Variants in EID3 observed in about 807,000 individuals in gnomAD.
EID3 encodes EP300 interacting inhibitor of differentiation 3, also known as EP300-interacting inhibitor of differentiation 3.
EID3 carries 3 observed loss-of-function variants against 1.6 expected under a neutral mutation model. The ratio of observed to expected loss-of-function variants is 1.87; its 90% confidence interval spans 0.85 to 4.83. The LOEUF is 4.83. Among genes scored for constraint, EID3 ranks in the 30% most tolerant of loss-of-function variants. The pLI, the probability that EID3 is intolerant of heterozygous loss-of-function variation, is 0.02. For synonymous variants in EID3, 164 were observed against 148.1 expected (o/e 1.11, Z -0.78); for missense variants, 471 against 409.9 (o/e 1.15, Z -1.29).
chr12:104,304,277 A>G lies in EID3; in HGVS notation c.343A>G (p.Asn115Asp), dbSNP rs771570720. The part of the protein sequence containing the change: ...KQLNSDMNFF[N>D]QLAFCDFLFL... ...GTTAAACTCAGATATGAACTTCTTTAATCAGTTAGCATTTTGTGACTTTCT... is the reference window on the plus strand; with the variant it reads ...GTTAAACTCAGATATGAACTTCTTTGATCAGTTAGCATTTTGTGACTTTCT... The change falls in exon 1 of 1, where the codon AAT (asparagine) becomes GAT (aspartate). Residue 115 changes from asparagine (N) to aspartate (D), a missense_variant. Transcript: ENST00000527879. The G allele has an allele frequency of 1.4e-5, 22 of 1,613,946 alleles. No individual in the cohort carries two copies. The East Asian group carries it at 4.5e-4, about 33-fold the overall frequency.
rs770133655 is a variant in EID3, at chr12:104,304,117, G to A, written c.183G>A (p.Ser61=). Residue 61 remains serine, a synonymous_variant, in exon 1 of 1, where the codon TCG becomes TCA. Coordinates refer to ENST00000527879, the MANE Select transcript of EID3 (RefSeq NM_001008394.3). Reference sequence around the variant, plus strand: ...AGAACCGGGAGGACATCGTGAGCTCGGCGAACAACTCCTTAACCGAGGCTC... The same window carrying A: ...AGAACCGGGAGGACATCGTGAGCTCAGCGAACAACTCCTTAACCGAGGCTC... The part of the protein sequence containing the change: ...VRQNREDIVS[S]ANNSLTEALE... 5 of 1,614,018 alleles carry A rather than the reference G, an allele frequency of 3.1e-6. No homozygotes were observed. The highest frequency in any genetic ancestry group is 1.7e-5 in the Admixed American group (1 of 60,016).
In EID3 at chr12:104,304,848, G is replaced by T; in HGVS notation, c.914G>T (p.Gly305Val). 6.2e-7 allele frequency: 1 copy of T among 1,613,964 alleles called. No individual in the cohort carries two copies. Residue 305 changes from glycine (G) to valine (V), a missense_variant, in exon 1 of 1, where the codon GGA becomes GTA. By Grantham distance (109) the Gly-to-Val change is moderately radical (BLOSUM62 -3). Coordinates refer to ENST00000527879, the MANE Select transcript of EID3 (RefSeq NM_001008394.3). ...TCCAGTTGCCATGGCAGGAAACAGG[G>T]AGTTATATCTTTGACTTTACAGGAG... ...NDSSCHGRKQ[G>V]VISLTLQEWK...
At position 104,305,063 on chromosome 12, in the gene EID3, GT is replaced by G; in HGVS notation, c.*131del. On this transcript the variant is annotated 3_prime_UTR_variant, in exon 1 of 1. Transcript: ENST00000527879. ...AGTATTTTCAAGAACATCAGACATT[GT>G]TTTACTGTGCAGCATATTTTTCTTA... 1 of 996,342 alleles carries G rather than the reference GT, an allele frequency of 1.0e-6. No individual in the cohort carries two copies. Among genetic ancestry groups the G allele is most frequent in the African/African-American group, 1.6e-5 (1 of 60,646 alleles). 61.7% of individuals were successfully genotyped at this position (996,342 alleles called of 1,614,324 possible).
At position 104,304,737 on chromosome 12, in the gene EID3, A is replaced by G; in HGVS notation, c.803A>G (p.Asp268Gly). Residue 268 changes from aspartate (D) to glycine (G), a missense_variant, in exon 1 of 1, where the codon GAT becomes GGT. Asp to Gly is a moderately conservative substitution (Grantham distance 94, BLOSUM62 -1). Transcript: ENST00000527879. ...TTTTATGTTTCTTTTATTGTAAGAGATGGTTTTGCAAGAATAAGGCTTGAT... is the reference window on the plus strand; with the variant it reads ...TTTTATGTTTCTTTTATTGTAAGAGGTGGTTTTGCAAGAATAAGGCTTGAT... The part of the protein sequence containing the change: ...NIFYVSFIVR[D>G]GFARIRLDED... The G allele has an allele frequency of 1.2e-6, 2 of 1,613,748 alleles. No individual in the cohort carries two copies. The highest frequency in any genetic ancestry group is 8.5e-7 in the Non-Finnish European group (1 of 1,179,830).
chr12:104,304,856 T>C lies in EID3; in HGVS notation c.922T>C (p.Ser308Pro), dbSNP rs372620381. Residue 308 changes from serine (S) to proline (P), a missense_variant, in exon 1 of 1, where the codon TCT becomes CCT. Ser to Pro is a moderately conservative substitution (Grantham distance 74, BLOSUM62 -1). Transcript: ENST00000527879. The stretch of plus-strand genomic sequence containing the variant: ...CCATGGCAGGAAACAGGGAGTTATA[T>C]CTTTGACTTTACAGGAGTGGAAAAA... ...SCHGRKQGVI[S>P]LTLQEWKNIV... The C allele has an allele frequency of 1.9e-5, 31 of 1,613,962 alleles. No individual in the cohort carries two copies. The highest frequency in any genetic ancestry group is 3.3e-5 in the Admixed American group (2 of 60,006).
chr12:104,304,129 C>G lies in EID3; in HGVS notation c.195C>G (p.Ser65=). 1 of 1,614,042 alleles carries G rather than the reference C, an allele frequency of 6.2e-7. No homozygotes were observed. The highest frequency in any genetic ancestry group is 1.3e-5 in the African/African-American group (1 of 75,064). Residue 65 remains serine, a synonymous_variant, in exon 1 of 1, where the codon TCC becomes TCG. Transcript: ENST00000527879. Reference sequence around the variant, plus strand: ...ACATCGTGAGCTCGGCGAACAACTCCTTAACCGAGGCTCTGGAGGAAGCCA... The same window carrying G: ...ACATCGTGAGCTCGGCGAACAACTCGTTAACCGAGGCTCTGGAGGAAGCCA... ...REDIVSSANN[S]LTEALEEANV...
rs1330222995 is a variant in EID3 at position 104,305,114 on chromosome 12, T to C, written c.*178T>C. ...AGTAATTTATAAGGTCATGATCTTC[T>C]GTTATTAAAACAAATTCACTGGCAT... On this transcript the variant is annotated 3_prime_UTR_variant, in exon 1 of 1. Coordinates refer to ENST00000527879, the MANE Select transcript of EID3 (RefSeq NM_001008394.3). The C allele has an allele frequency of 3.2e-6, 2 of 617,224 alleles. No individual in the cohort carries two copies. The highest frequency in any genetic ancestry group is 3.8e-5 in the African/African-American group (2 of 52,242). 38.2% of individuals were successfully genotyped at this position (617,224 alleles called of 1,614,324 possible). A position where few individuals can be genotyped will look rare whatever the true frequency, so the allele number is the denominator to read the frequency against.
rs1176332884 is a variant in EID3, at chr12:104,305,060, AT to A, written c.*126del. ...AAAAGTATTTTCAAGAACATCAGAC[AT>A]TGTTTTACTGTGCAGCATATTTTTC... is the stretch of plus-strand genomic sequence containing the variant. On this transcript the variant is annotated 3_prime_UTR_variant, in exon 1 of 1. Transcript: ENST00000527879. 1 of 1,036,302 alleles carries A rather than the reference AT, an allele frequency of 9.6e-7. No homozygotes were observed. Among genetic ancestry groups the A allele is most frequent in the African/African-American group, 1.6e-5 (1 of 61,446 alleles). The allele number at this position is 1,036,302 out of a possible 1,614,324, so 64.2% of individuals were successfully genotyped here.
Position 104,304,345 on chromosome 12 carries a change from C to T in EID3, c.411C>T (p.Asp137=). Residue 137 remains aspartate (D), a synonymous_variant, in exon 1 of 1, where the codon GAC becomes GAT. Coordinates refer to ENST00000527879, the MANE Select transcript of EID3 (RefSeq NM_001008394.3). ...TGAATTGGATGGAAGGCGATCCTGA[C>T]AAGTTGAGTGATTGTGATGATAGCA... ...VGLNWMEGDP[D]KLSDCDDSIA... is the part of the protein sequence containing the mutation. 1.2e-6 allele frequency: 2 copies of T among 1,614,020 alleles called. No individual in the cohort carries two copies.
chr12:104,304,455 C>A lies in EID3; in HGVS notation c.521C>A (p.Ser174Ter), dbSNP rs1250009134. 6.2e-7 allele frequency: 1 copy of A among 1,613,964 alleles called. No individual in the cohort carries two copies. The highest frequency in any genetic ancestry group is 8.5e-7 in the Non-Finnish European group (1 of 1,179,894). Residue 174 changes from serine (S) to a stop codon, truncating the protein, a stop_gained, in exon 1 of 1, where the codon TCA (serine) becomes TAA (stop). Transcript: ENST00000527879. LOFTEE classifies it low-confidence loss of function (END_TRUNC). ...KAETFHFVFG[S>*]FKLERSAPKP... ...GAGACATTCCATTTTGTTTTTGGTT[C>A]ATTCAAGCTAGAACGTTCTGCACCA...
chr12:104,304,055 C>T lies in EID3; in HGVS notation c.121C>T (p.Arg41Cys), dbSNP rs377416878. The T allele has an allele frequency of 2.3e-5, 37 of 1,613,700 alleles. No homozygotes were observed. The highest frequency in any genetic ancestry group is 3.0e-5 in the Non-Finnish European group (35 of 1,179,904). Residue 41 changes from arginine to cysteine, a missense_variant, in exon 1 of 1, where the codon CGC becomes TGC. By Grantham distance (180) the Arg-to-Cys change is radical. Coordinates refer to ENST00000527879, the MANE Select transcript of EID3 (RefSeq NM_001008394.3). Reference protein sequence around the residue: ...TADEEKCRSIRRQYRQLMYCV... With the variant: ...TADEEKCRSICRQYRQLMYCV... ...TGACGAGGAGAAGTGCCGCAGCATCCGCAGGCAGTACCGGCAGCTCATGTA... is the reference window on the plus strand; with the variant it reads ...TGACGAGGAGAAGTGCCGCAGCATCTGCAGGCAGTACCGGCAGCTCATGTA...
In EID3 at chr12:104,304,244, G is replaced by A. The variant is rs1429280095; in HGVS notation, c.310G>A (p.Ala104Thr). 1.2e-6 allele frequency: 2 copies of A among 1,613,952 alleles called. No homozygotes were observed. Among genetic ancestry groups the A allele is most frequent in the African/African-American group, 2.7e-5 (2 of 74,942 alleles). ...GGCTTCTGATTTGGGTAAAGAAAAG[G>A]CAAAGCAGTTAAACTCAGATATGAA... ...VMASDLGKEK[A>T]KQLNSDMNFF... The change falls in exon 1 of 1, where the codon GCA becomes ACA. Residue 104 changes from alanine (A) to threonine (T), a missense_variant. Transcript: ENST00000527879.
At position 104,304,071 on chromosome 12, in the gene EID3, A is replaced by T; in HGVS notation, c.137A>T (p.Gln46Leu). ...CGCAGCATCCGCAGGCAGTACCGGC[A>T]GCTCATGTACTGCGTGCGGCAGAAC... is the stretch of plus-strand genomic sequence containing the variant. ...KCRSIRRQYR[Q>L]LMYCVRQNRE... The change falls in exon 1 of 1, where the codon CAG (glutamine) becomes CTG (leucine). Residue 46 changes from glutamine (Q) to leucine (L), a missense_variant. Physicochemically the swap from Gln to Leu is moderately radical, Grantham distance 113. Coordinates refer to ENST00000527879, the MANE Select transcript of EID3 (RefSeq NM_001008394.3). The T allele has an allele frequency of 6.2e-7, 1 of 1,613,960 alleles. No homozygotes were observed. The highest frequency in any genetic ancestry group is 8.5e-7 in the Non-Finnish European group (1 of 1,179,902).
In EID3 at chr12:104,304,122, A is replaced by T; in HGVS notation, c.188A>T (p.Asn63Ile). ...CGGGAGGACATCGTGAGCTCGGCGAACAACTCCTTAACCGAGGCTCTGGAG... is the reference window on the plus strand; with the variant it reads ...CGGGAGGACATCGTGAGCTCGGCGATCAACTCCTTAACCGAGGCTCTGGAG... ...QNREDIVSSA[N>I]NSLTEALEEA... The change falls in exon 1 of 1, where the codon AAC becomes ATC. Residue 63 changes from asparagine to isoleucine, a missense_variant. Physicochemically the swap from Asn to Ile is moderately radical, Grantham distance 149. Transcript: ENST00000527879. 4 of 1,614,076 alleles carry T rather than the reference A, an allele frequency of 2.5e-6. No individual in the cohort carries two copies. The South Asian group carries it at 4.4e-5, about 18-fold the overall frequency.
At position 104,304,508 on chromosome 12, in the gene EID3, G is replaced by T. The variant is rs1351489387; in HGVS notation, c.574G>T (p.Val192Phe). Reference protein sequence around the residue: ...PKPRLEHQKKVRKMEENGNMP... With the variant: ...PKPRLEHQKKFRKMEENGNMP... ...GCCCCGACTTGAACACCAGAAAAAAGTTCGCAAGATGGAAGAAAATGGCAA... is the reference window on the plus strand; with the variant it reads ...GCCCCGACTTGAACACCAGAAAAAATTTCGCAAGATGGAAGAAAATGGCAA... Residue 192 changes from valine (V) to phenylalanine (F), a missense_variant, in exon 1 of 1, where the codon GTT becomes TTT. By Grantham distance (50) the Val-to-Phe change is conservative. Transcript: ENST00000527879. The T allele has an allele frequency of 6.2e-7, 1 of 1,614,004 alleles. No homozygotes were observed. Among genetic ancestry groups the T allele is most frequent in the Admixed American group, 1.7e-5 (1 of 60,018 alleles).
rs1678323745 is a variant in EID3, at chr12:104,303,744, C to G, written c.-191C>G. 7 of 949,724 alleles carry G rather than the reference C, an allele frequency of 7.4e-6. No individual in the cohort carries two copies. Among genetic ancestry groups the G allele is most frequent in the Non-Finnish European group, 8.8e-6 (6 of 679,114 alleles). The allele number at this position is 949,724 out of a possible 1,614,324, so 58.8% of individuals were successfully genotyped here. On this transcript the variant is annotated 5_prime_UTR_variant, in exon 1 of 1. Transcript: ENST00000527879. Reference sequence around the variant, plus strand: ...GGGCCGGGCCGCTAGTGCGCATGGGCGGGCGTCCTCGGCTCTAACTGCCGC... The same window carrying G: ...GGGCCGGGCCGCTAGTGCGCATGGGGGGGCGTCCTCGGCTCTAACTGCCGC...
chr12:104,305,010 A>G lies in EID3; in HGVS notation c.*74A>G. ...TGGAGAGTAAAATGTAAACTGAAGC[A>G]CATATTGTATCTCTTGTAAAGTGAA... On this transcript the variant is annotated 3_prime_UTR_variant, in exon 1 of 1. Coordinates refer to ENST00000527879, the MANE Select transcript of EID3 (RefSeq NM_001008394.3). 7.1e-7 allele frequency: 1 copy of G among 1,407,938 alleles called. No individual in the cohort carries two copies. The highest frequency in any genetic ancestry group is 9.5e-7 in the Non-Finnish European group (1 of 1,048,676). 87.2% of individuals were successfully genotyped at this position (1,407,938 alleles called of 1,614,324 possible).
chr12:104,305,055 C>G lies in EID3; in HGVS notation c.*119C>G, dbSNP rs1404095051. 2 of 1,086,726 alleles carry G rather than the reference C, an allele frequency of 1.8e-6. No homozygotes were observed. Among genetic ancestry groups the G allele is most frequent in the African/African-American group, 3.2e-5 (2 of 62,392 alleles). 67.3% of individuals were successfully genotyped at this position (1,086,726 alleles called of 1,614,324 possible). A position where few individuals can be genotyped will look rare whatever the true frequency, so the allele number is the denominator to read the frequency against. ...AGTGAAAAAGTATTTTCAAGAACAT[C>G]AGACATTGTTTTACTGTGCAGCATA... On this transcript the variant is annotated 3_prime_UTR_variant, in exon 1 of 1. Coordinates refer to ENST00000527879, the MANE Select transcript of EID3 (RefSeq NM_001008394.3).
At position 104,304,119 on chromosome 12, in the gene EID3, C is replaced by T. The variant is rs1482549757; in HGVS notation, c.185C>T (p.Ala62Val). The change falls in exon 1 of 1, where the codon GCG (alanine) becomes GTG (valine). Residue 62 changes from alanine to valine, a missense_variant. Physicochemically the swap from Ala to Val is moderately conservative, Grantham distance 64 (BLOSUM62 0). Coordinates refer to ENST00000527879, the MANE Select transcript of EID3 (RefSeq NM_001008394.3). ...RQNREDIVSS[A>V]NNSLTEALEE... is the part of the protein sequence containing the mutation. ...AACCGGGAGGACATCGTGAGCTCGGCGAACAACTCCTTAACCGAGGCTCTG... is the reference window on the plus strand; with the variant it reads ...AACCGGGAGGACATCGTGAGCTCGGTGAACAACTCCTTAACCGAGGCTCTG... 3 of 1,614,010 alleles carry T rather than the reference C, an allele frequency of 1.9e-6. No individual in the cohort carries two copies. The highest frequency in any genetic ancestry group is 3.3e-5 in the Admixed American group (2 of 60,026).
Sources: allele counts gnomAD v4.1 joint callset, GRCh38; gene constraint gnomAD v4.1.1; transcripts MANE v1.5; gene names NCBI Gene and HGNC (gene_info 2026-07-23, HGNC 2026-07-21).